CLEC9A: variants seen among roughly 807,000 people sequenced by gnomAD.
CLEC9A encodes the protein C-type lectin domain containing 9A, also known as C-type lectin domain family 9 member A.
CLEC9A carries 24 observed loss-of-function variants against 30.0 expected under a neutral mutation model. The ratio of observed to expected loss-of-function variants is 0.80; its 90% CI spans 0.58 to 1.13. The LOEUF (loss-of-function observed/expected upper bound fraction) is 1.13. Ranked by LOEUF, CLEC9A falls within the 50% of genes most tolerant of loss-of-function variation. The pLI, the probability that CLEC9A is intolerant of heterozygous loss-of-function variation, is 0.00. For synonymous variants in CLEC9A, 111 were observed against 96.8 expected (o/e 1.15, Z -0.86); for missense variants, 251 against 280.9 (o/e 0.89, Z 0.76).
At chr12:10,057,671 T>C (rs934920707) in intron 5 of CLEC9A, among the ~76,000 whole-genome samples, 1 of 151,956 alleles carries the variant, frequency 6.6e-6, no homozygotes, top group Admixed American at 6.6e-5. Flanking sequence ...CTAAAGGTTG[T>C]ATATAAAATA....
intron 2 of CLEC9A, among the ~76,000 whole-genome samples, chr12:10,049,867 C>T (rs936046767): frequency 1.3e-5 from 2 of 152,206 alleles, no homozygotes; most frequent in African/African-American, 4.8e-5. Context: ...GTTTCCTTTA[C>T]ATTCACAACT....
chr12:10,045,552 T>A, intron 2 of CLEC9A: 1 of 280,988 alleles, frequency 3.6e-6, no homozygotes, highest in Non-Finnish European at 7.9e-6. Flanking sequence ...GAAAAGGCAC[T>A]CTACCTTCTG....
chr12:10,061,247 C>A lies in CLEC9A; in HGVS notation c.293C>A (p.Ala98Asp), dbSNP rs369586402. 2.5e-6 allele frequency: 4 copies of A among 1,611,298 alleles called. No homozygotes were observed. Among genetic ancestry groups the A allele is most frequent in the African/African-American group, 2.7e-5 (2 of 74,686 alleles). ...GCCCTTCAGATGAAATATTGCCAAG[C>A]CTTCATGCAAAACTCATTAAGTTCA... ...SCALQMKYCQ[A>D]FMQNSLSSAH... Residue 98 changes from alanine (A) to aspartate (D), a missense_variant, in exon 6 of 9, where the codon GCC becomes GAC. By Grantham distance (126) the Ala-to-Asp change is moderately radical (BLOSUM62 -2). Transcript: ENST00000355819.
intron 1 of CLEC9A, among the ~76,000 whole-genome samples, chr12:10,032,558 T>C (rs1209943125): frequency 6.6e-6 from 1 of 151,196 alleles, no homozygotes; most frequent in African/African-American, 2.4e-5. Context: ...GCCTGGCTAA[T>C]TTTTTTTTAT....
At position 10,063,145 on chromosome 12, in the gene CLEC9A, G is replaced by C; in HGVS notation, c.410G>C (p.Ser137Thr). The change falls in exon 7 of 9, where the codon AGT becomes ACT. Residue 137 changes from serine (S) to threonine (T), a missense_variant. Coordinates refer to ENST00000355819, the MANE Select transcript of CLEC9A (RefSeq NM_207345.4). ...VSEIWSIWHT[S>T]QENCLKEGST... ...GAAATTTGGAGCATTTGGCACACCA[G>C]TCAAGAGAATTGTTTAAAGGAAGGT... 1 of 1,612,112 alleles carries C rather than the reference G, an allele frequency of 6.2e-7. No homozygotes were observed. Among genetic ancestry groups the C allele is most frequent in the Non-Finnish European group, 8.5e-7 (1 of 1,179,266 alleles).
chr12:10,064,792 T>C lies in CLEC9A; in HGVS notation c.532T>C (p.Ser178Pro), dbSNP rs751959591. 1.2e-6 allele frequency: 2 copies of C among 1,613,742 alleles called. No homozygotes were observed. Among genetic ancestry groups the C allele is most frequent in the Non-Finnish European group, 1.7e-6 (2 of 1,179,790 alleles). The change falls in exon 8 of 9, where the codon TCT becomes CCT. Residue 178 changes from serine to proline, a missense_variant. Transcript: ENST00000355819. ...AAGCTATGATTACTGGGTGGGGTTGTCTCAGGATGGACACAGCGGACGCTG... is the reference window on the plus strand; with the variant it reads ...AAGCTATGATTACTGGGTGGGGTTGCCTCAGGATGGACACAGCGGACGCTG... ...KGSYDYWVGLSQDGHSGRWLW... is the reference protein window; with the variant it reads ...KGSYDYWVGLPQDGHSGRWLW...
At chr12:10,057,568 A>G (rs983140485) in intron 5 of CLEC9A, among the ~76,000 whole-genome samples, 1 of 151,892 alleles carries the variant, frequency 6.6e-6, no homozygotes, top group Admixed American at 6.5e-5. Flanking sequence ...TTCTTCTAGA[A>G]CCATTGTTAT....
chr12:10,065,127 A>T (rs1176243037), intron 8 of CLEC9A, among the ~76,000 whole-genome samples: 1 of 152,180 alleles, frequency 6.6e-6, no homozygotes, highest in Non-Finnish European at 1.5e-5. Flanking sequence ...TTTCTTTTGT[A>T]TCGCTTAATG....
chr12:10,063,610 A>T (rs1194625480), intron 7 of CLEC9A, among the ~76,000 whole-genome samples: 1 of 152,236 alleles, frequency 6.6e-6, no homozygotes, highest in African/African-American at 2.4e-5. Flanking sequence ...ATCAAGAAAA[A>T]ACAGAAGTAT....
At chr12:10,044,571 T>C (rs1254349574) in intron 2 of CLEC9A, among the ~76,000 whole-genome samples, 1 of 152,256 alleles carries the variant, frequency 6.6e-6, no homozygotes, top group East Asian at 1.9e-4. Flanking sequence ...CCTAGAATGC[T>C]CTGCCTCCAC....
chr12:10,036,927 A>T (rs1164064228), intron 1 of CLEC9A, among the ~76,000 whole-genome samples: 1 of 152,230 alleles, frequency 6.6e-6, no homozygotes, highest in Non-Finnish European at 1.5e-5. Flanking sequence ...GTATTGGGTA[A>T]CACAGGAAAT....
chr12:10,049,616 T>A (rs148872527), intron 2 of CLEC9A, among the ~76,000 whole-genome samples: 1 of 152,368 alleles, frequency 6.6e-6, no homozygotes, highest in African/African-American at 2.4e-5. Context: ...TTAAACCTCA[T>A]GGACCAACCT....
chr12:10,048,698 A>G (rs1056987094), intron 2 of CLEC9A, among the ~76,000 whole-genome samples: 10 of 152,206 alleles, frequency 6.6e-5, no homozygotes, highest in African/African-American at 2.4e-4. Flanking sequence ...CAACTCAGCC[A>G]CATCTTCAGC....
At chr12:10,045,034 T>C (rs1455838736) in intron 2 of CLEC9A, among the ~76,000 whole-genome samples, 1 of 152,180 alleles carries the variant, frequency 6.6e-6, no homozygotes, top group Non-Finnish European at 1.5e-5. Context: ...AGCTCAAAAA[T>C]ATTGAATCAA....
At chr12:10,037,294 G>A (rs776889292) in intron 1 of CLEC9A, among the ~76,000 whole-genome samples, 18 of 152,256 alleles carry the variant, frequency 1.2e-4, no homozygotes, top group Non-Finnish European at 1.6e-4. Flanking sequence ...CTCACTGAGC[G>A]CTTTCGAACT....
At chr12:10,059,254 A>G (rs1591894047) in intron 5 of CLEC9A, among the ~76,000 whole-genome samples, 3 of 152,244 alleles carry the variant, frequency 2.0e-5, no homozygotes, top group South Asian at 4.1e-4. Context: ...AAACAGACTC[A>G]TACAAATATA....
chr12:10,065,694 A>G lies in CLEC9A; in HGVS notation c.*62A>G. 2.8e-6 allele frequency: 4 copies of G among 1,409,148 alleles called. No homozygotes were observed. In the South Asian group the frequency reaches 4.9e-5, roughly 17 times the overall value. The allele number at this position is 1,409,148 out of a possible 1,614,324, so 87.3% of individuals were successfully genotyped here. The stretch of plus-strand genomic sequence containing the variant: ...TTTGGAGCATGCCATTGGAAAACCC[A>G]CCCCCACCCCCCCTCAAAAAAACAG... On this transcript the variant is annotated 3_prime_UTR_variant, in exon 9 of 9. Transcript: ENST00000355819.
intron 4 of CLEC9A, among the ~76,000 whole-genome samples, chr12:10,053,584 T>C (rs1865914384): frequency 6.6e-6 from 1 of 152,190 alleles, no homozygotes; most frequent in African/African-American, 2.4e-5. Flanking sequence ...ACTTAATGAC[T>C]TCTTCAAAGT....
chr12:10,055,172 G>A (rs1488818), intron 5 of CLEC9A, among the ~76,000 whole-genome samples: 79,357 of 152,082 alleles, frequency 0.52, 23,302 homozygotes, highest in Middle Eastern at 0.74. Context: ...TACTTCGTCT[G>A]TCTCCTCAAA....
Sources: allele counts gnomAD v4.1 joint callset (sites outside exome capture counted in the v4.1 genomes callset), GRCh38; gene constraint gnomAD v4.1.1; transcripts MANE v1.5; gene names NCBI Gene and HGNC (gene_info 2026-07-23, HGNC 2026-07-21).